The following EYA4 variants were observed in gnomAD, a reference collection of about 807,000 sequenced individuals.
EYA4 encodes protein phosphatase EYA4.
In EYA4, 31 loss-of-function variants were observed where a neutral mutation model predicts 87.9. That is an observed-to-expected ratio of 0.35 (90% CI 0.27 to 0.48). EYA4 has a LOEUF of 0.48. EYA4 is among the 20% of genes least tolerant of loss of function. The probability of loss-of-function intolerance (pLI) is 0.99; values close to 1 mark genes in which losing one functional copy is unlikely to be tolerated. For synonymous variants in EYA4, 263 were observed against 270.6 expected (o/e 0.97, Z 0.28); for missense variants, 678 against 761.4 (o/e 0.89, Z 1.29).
intron 3 of EYA4, among the ~76,000 whole-genome samples, chr6:133,434,519 G>T (rs531694929): frequency 3.9e-5 from 6 of 152,066 alleles, no homozygotes; most frequent in African/African-American, 1.2e-4. Context: ...CCTTCCAGAG[G>T]ATATTATTAT....
chr6:133,339,582 T>C (rs1181105544), intron 2 of EYA4, among the ~76,000 whole-genome samples: 2 of 152,176 alleles, frequency 1.3e-5, no homozygotes, highest in Non-Finnish European at 2.9e-5. Context: ...TACTTGCTTA[T>C]TGGAAAAATT....
At chr6:133,300,450 T>C (rs756050119) in intron 2 of EYA4, among the ~76,000 whole-genome samples, 45 of 152,302 alleles carry the variant, frequency 3.0e-4, no homozygotes, top group Non-Finnish European at 1.3e-4. Context: ...TTAGTTTCTT[T>C]TACTGGCCAG....
intron 2 of EYA4, among the ~76,000 whole-genome samples, chr6:133,378,375 T>G (rs1349703350): frequency 6.6e-6 from 1 of 152,128 alleles, no homozygotes; most frequent in East Asian, 1.9e-4. Context: ...ATTATATATA[T>G]ACATAGTCTA....
chr6:133,276,341 AG>A (rs1165046956), intron 2 of EYA4, among the ~76,000 whole-genome samples: 1 of 152,208 alleles, frequency 6.6e-6, no homozygotes, highest in Non-Finnish European at 1.5e-5. Flanking sequence ...AAGCACACAA[AG>A]TTTGGGGGAA....
At chr6:133,281,441 G>T (rs967950679) in intron 2 of EYA4, among the ~76,000 whole-genome samples, 2 of 152,154 alleles carry the variant, frequency 1.3e-5, no homozygotes, top group Non-Finnish European at 2.9e-5. Flanking sequence ...ATGTAAGCGA[G>T]AACATGTGAT....
chr6:133,442,639 T>A (rs1792421014), intron 3 of EYA4, among the ~76,000 whole-genome samples: 1 of 152,186 alleles, frequency 6.6e-6, no homozygotes, highest in South Asian at 2.1e-4. Flanking sequence ...AAGTTTTTTC[T>A]TTCTAAACTT....
chr6:133,285,143 C>G (rs1777942446), intron 2 of EYA4, among the ~76,000 whole-genome samples: 1 of 150,426 alleles, frequency 6.6e-6, no homozygotes. Context: ...ACTACAGGCA[C>G]CCGCCACCAC....
intron 3 of EYA4, among the ~76,000 whole-genome samples, chr6:133,437,705 G>A (rs911446199): frequency 1.3e-5 from 2 of 152,104 alleles, no homozygotes; most frequent in African/African-American, 4.8e-5. Flanking sequence ...AAGGTGACCG[G>A]GAAGCAAGGC....
chr6:133,312,607 C>A (rs1372703237), intron 2 of EYA4, among the ~76,000 whole-genome samples: 1 of 152,082 alleles, frequency 6.6e-6, no homozygotes, highest in Non-Finnish European at 1.5e-5. Flanking sequence ...TTAACTATTT[C>A]TCAGATATTT....
intron 14 of EYA4, among the ~76,000 whole-genome samples, chr6:133,507,842 A>T (rs567289888): frequency 1.3e-5 from 2 of 152,104 alleles, no homozygotes; most frequent in Non-Finnish European, 2.9e-5. Flanking sequence ...ATACATGTGC[A>T]TGTGTCTTTA....
intron 14 of EYA4, 95 bp from the exon 15 acceptor site, chr6:133,512,626 G>C: frequency 1.1e-6 from 1 of 930,686 alleles, no homozygotes; most frequent in Non-Finnish European, 1.8e-6. Flanking sequence ...CCATCTTCTG[G>C]TGGTAGTCTG....
intron 2 of EYA4, among the ~76,000 whole-genome samples, chr6:133,277,807 G>A (rs1777301215): frequency 6.6e-6 from 1 of 152,232 alleles, no homozygotes; most frequent in Non-Finnish European, 1.5e-5. Context: ...TGGCAGAAAA[G>A]AGGTAGTAAT....
rs542527569 is a variant in EYA4, at chr6:133,353,117, C to T, written c.34-29275C>T. Among the ~76,000 whole-genome samples, 297 of 152,260 alleles carry T rather than the reference C, an allele frequency of 2.0e-3. 1 individual carries two copies. The Middle Eastern group carries it at 0.02, about 10-fold the overall frequency. The stretch of plus-strand genomic sequence containing the variant: ...GTAAAAACCATGTCTGTAAGTTGTG[C>T]TGAGAATGTTTATTCTCCCACAATG... On this transcript the variant is annotated intron_variant, in intron 2 of 19. Transcript: ENST00000355286.
intron 10 of EYA4, among the ~76,000 whole-genome samples, chr6:133,465,268 A>G (rs1794747807): frequency 1.3e-5 from 2 of 152,182 alleles, no homozygotes; most frequent in Non-Finnish European, 2.9e-5. Flanking sequence ...TACAGACTAT[A>G]TAACATTTTC....
At position 133,413,584 on chromosome 6, in the gene EYA4, A is replaced by T. The variant is rs186122335; in HGVS notation, c.83+31143A>T. Among the ~76,000 whole-genome samples, 43 of 151,836 alleles carry T rather than the reference A, an allele frequency of 2.8e-4. No homozygotes were observed. In the East Asian group the frequency reaches 8.3e-3, roughly 29 times the overall value. On this transcript the variant is annotated intron_variant, in intron 3 of 19. Coordinates refer to ENST00000355286, the MANE Select transcript of EYA4 (RefSeq NM_004100.5). ...TTTGATTCTCTTTTTTTCTGATATC[A>T]TGTATATGTTCCTCTTTTATGCTTA...
intron 2 of EYA4, among the ~76,000 whole-genome samples, chr6:133,286,235 C>A (rs1185154471): frequency 2.0e-5 from 3 of 152,124 alleles, no homozygotes; most frequent in Admixed American, 6.6e-5. Context: ...GGGGCACATT[C>A]TGAGGGGAGT....
At chr6:133,491,143 T>C (rs114345857) in intron 13 of EYA4, among the ~76,000 whole-genome samples, 77 of 152,114 alleles carry the variant, frequency 5.1e-4, no homozygotes, top group African/African-American at 1.8e-3. Context: ...AAATTAAAAA[T>C]TTCTTGAAAG....
intron 2 of EYA4, among the ~76,000 whole-genome samples, chr6:133,352,041 G>A (rs1035689395): frequency 1.3e-5 from 2 of 150,200 alleles, no homozygotes; most frequent in Non-Finnish European, 3.0e-5. Context: ...TTATTTATTT[G>A]GTACTTATTC....
At chr6:133,248,977 T>A (rs1774661380) in intron 1 of EYA4, 1 of 152,204 alleles carries the variant, frequency 6.6e-6, no homozygotes, top group African/African-American at 2.4e-5. Context: ...AGGTCTAGTT[T>A]TTTCCCTTAA....
Sources: allele counts gnomAD v4.1 joint callset (sites outside exome capture counted in the v4.1 genomes callset), GRCh38; gene constraint gnomAD v4.1.1; transcripts MANE v1.5; gene names NCBI Gene and HGNC (gene_info 2026-07-23, HGNC 2026-07-21).